Variants in CLEC2B observed in about 807,000 individuals in gnomAD.
The protein encoded by CLEC2B is C-type lectin domain family 2 member B.
CLEC2B carries 14 observed loss-of-function variants against 16.2 expected under a neutral mutation model. The observed-to-expected ratio is 0.86, with a 90% CI of 0.57 to 1.35. CLEC2B has a LOEUF of 1.35. Among genes scored for constraint, CLEC2B ranks in the 40% most tolerant of loss-of-function variants. The probability of loss-of-function intolerance (pLI) is 0.00; values close to 1 mark genes in which losing one functional copy is unlikely to be tolerated. For synonymous variants in CLEC2B, 42 were observed against 55.8 expected, an observed-to-expected ratio of 0.75 and a Z score of 1.10; for missense variants, 166 against 182.3, an observed-to-expected ratio of 0.91 and a Z score of 0.52.
At chr12:9,868,568 A>G (rs1008819984) in intron 1 of CLEC2B, among the ~76,000 whole-genome samples, 5 of 152,108 alleles carry the variant, frequency 3.3e-5, no homozygotes, top group Non-Finnish European at 7.4e-5. Flanking sequence ...TTTTGACATA[A>G]ATAAACCCTG....
intron 1 of CLEC2B, among the ~76,000 whole-genome samples, chr12:9,864,247 A>G (rs1867954176): frequency 2.6e-5 from 4 of 152,044 alleles, no homozygotes; most frequent in Admixed American, 2.6e-4. Context: ...AATGTTTCCC[A>G]GACAAACAAA....
rs1867861395 is a variant in CLEC2B, at chr12:9,853,087, G to GAAAGAAAGAA, written c.*212_*213insTTCTTTCTTT. ...AAAGAAAGAAAGAAAGAAAGAAAGA[G>GAAAGAAAGAA]AGAGAGAGAAAGAAAGAAAGAAAAA... is the stretch of plus-strand genomic sequence containing the variant. On this transcript the variant is annotated 3_prime_UTR_variant, in exon 5 of 5. Transcript: ENST00000228438. The GAAAGAAAGAA allele has an allele frequency of 6.9e-5, 24 of 345,500 alleles. 1 individual carries two copies. Among genetic ancestry groups the GAAAGAAAGAA allele is most frequent in the South Asian group, 3.8e-4 (10 of 26,452 alleles). 21.4% of individuals were successfully genotyped at this position (345,500 alleles called of 1,614,324 possible).
intron 3 of CLEC2B, among the ~76,000 whole-genome samples, chr12:9,856,631 G>A (rs951297901): frequency 6.6e-6 from 1 of 152,068 alleles, no homozygotes; most frequent in Admixed American, 6.6e-5. Flanking sequence ...TTTTAACAGT[G>A]TTGACTCTTG....
chr12:9,858,845 G>C (rs1366194432), intron 2 of CLEC2B, among the ~76,000 whole-genome samples: 1 of 151,914 alleles, frequency 6.6e-6, no homozygotes, highest in Non-Finnish European at 1.5e-5. Context: ...CATTTACCCA[G>C]AAATGGTAAG....
chr12:9,858,593 G>C (rs1390019617), intron 2 of CLEC2B, among the ~76,000 whole-genome samples: 1 of 151,842 alleles, frequency 6.6e-6, no homozygotes, highest in Admixed American at 6.6e-5. Context: ...GATGGCAGTG[G>C]AGCATAGTAG....
At chr12:9,855,875 A>G (rs1306378006) in intron 3 of CLEC2B, among the ~76,000 whole-genome samples, 4 of 152,124 alleles carry the variant, frequency 2.6e-5, no homozygotes, top group African/African-American at 9.7e-5. Flanking sequence ...ATTTAAATTA[A>G]ACTATTTTAA....
chr12:9,853,797 CAAAGA>C (rs781009511), intron 4 of CLEC2B, among the ~76,000 whole-genome samples: 1 of 152,178 alleles, frequency 6.6e-6, no homozygotes, highest in Non-Finnish European at 1.5e-5. Context: ...CTACAATGCA[CAAAGA>C]AAAGTGCCCC....
intron 2 of CLEC2B, among the ~76,000 whole-genome samples, chr12:9,859,692 A>G (rs1422997972): frequency 6.6e-6 from 1 of 151,886 alleles, no homozygotes; most frequent in Non-Finnish European, 1.5e-5. Flanking sequence ...ATACTTTCCA[A>G]CCAAATTTTA....
intron 4 of CLEC2B, 67 bp from the exon 5 acceptor site, chr12:9,853,475 C>G: frequency 7.9e-7 from 1 of 1,260,038 alleles, no homozygotes; most frequent in Middle Eastern, 1.9e-4. Context: ...CACCTTTAAA[C>G]AAAAATTCTA....
intron 1 of CLEC2B, among the ~76,000 whole-genome samples, chr12:9,866,695 C>A (rs1177901902): frequency 6.6e-6 from 1 of 151,848 alleles, no homozygotes. Flanking sequence ...GGTAGTCAGA[C>A]CATTTTGATA....
intron 1 of CLEC2B, among the ~76,000 whole-genome samples, chr12:9,864,886 A>C (rs1867959292): frequency 6.6e-6 from 1 of 152,188 alleles, no homozygotes; most frequent in Admixed American, 6.6e-5. Context: ...CTCCAATTAA[A>C]AGACATAAAG....
chr12:9,861,497 T>G (rs1383490853), intron 2 of CLEC2B, among the ~76,000 whole-genome samples: 1 of 152,170 alleles, frequency 6.6e-6, no homozygotes, highest in Non-Finnish European at 1.5e-5. Flanking sequence ...TTTGGTAAAA[T>G]ACACTTAAGC....
At position 9,854,507 on chromosome 12, in the gene CLEC2B, A is replaced by G. The variant is rs200833813; in HGVS notation, c.238-23T>C. 3,730 of 1,477,554 alleles carry G rather than the reference A, an allele frequency of 2.5e-3. 6 individuals carry two copies. Among genetic ancestry groups the G allele is most frequent in the Non-Finnish European group, 3.1e-3 (3,255 of 1,055,884 alleles). 91.5% of individuals were successfully genotyped at this position (1,477,554 alleles called of 1,614,324 possible). A position where few individuals can be genotyped will look rare whatever the true frequency, so the allele number is the denominator to read the frequency against. ...ATTCTTTAGAGACAAAATTAATTTC[A>G]AAATCATACATGCCAATTTTTATGA... On this transcript the variant is annotated intron_variant, in intron 3 of 4. Transcript: ENST00000228438.
intron 3 of CLEC2B, chr12:9,854,762 G>C (rs1867882996): frequency 2.2e-6 from 1 of 455,096 alleles, no homozygotes; most frequent in African/African-American, 2.0e-5. Context: ...TTTTCAAACT[G>C]TAAGCTCCTA....
intron 3 of CLEC2B, among the ~76,000 whole-genome samples, chr12:9,856,602 C>T (rs147332298): frequency 4.6e-5 from 7 of 152,172 alleles, no homozygotes; most frequent in Admixed American, 2.0e-4. Context: ...GTTCACCACA[C>T]GGGTAACACA....
intron 1 of CLEC2B, among the ~76,000 whole-genome samples, chr12:9,863,288 C>T (rs112115327): frequency 0.016 from 2,359 of 152,088 alleles, 31 homozygotes; most frequent in Middle Eastern, 0.027. Context: ...CTGCCGCCCC[C>T]CACCCCCAAA....
At chr12:9,863,995 G>C (rs766615721) in intron 1 of CLEC2B, among the ~76,000 whole-genome samples, 1 of 151,844 alleles carries the variant, frequency 6.6e-6, no homozygotes, top group African/African-American at 2.4e-5. Context: ...ACTACCCCTA[G>C]GCATAGAATA....
intron 1 of CLEC2B, among the ~76,000 whole-genome samples, chr12:9,863,293 C>T (rs891960379): frequency 6.6e-6 from 1 of 151,926 alleles, no homozygotes; most frequent in Non-Finnish European, 1.5e-5. Context: ...GCCCCCCACC[C>T]CCAAAAAAAT....
At chr12:9,865,180 C>CAAAAAAAAAAAAAA (rs56774558) in intron 1 of CLEC2B, among the ~76,000 whole-genome samples, 1 of 99,104 alleles carries the variant, frequency 1.0e-5, no homozygotes, top group Non-Finnish European at 2.0e-5. Context: ...AAGACTCTCT[C>CAAAAAAAAAAAAAA]AAAAAAAAAA....
Sources: gnomAD v4.1 joint callset for allele counts (sites outside exome capture counted in the v4.1 genomes callset) on GRCh38, gnomAD v4.1.1 for gene constraint, MANE v1.5 for transcripts, NCBI Gene and HGNC (gene_info 2026-07-23, HGNC 2026-07-21) for gene names.